The following INTU variants were observed in gnomAD, a reference collection of about 807,000 sequenced individuals.
INTU encodes protein inturned.
A neutral mutation model predicts 100.5 loss-of-function variants in INTU; 68 were observed. The ratio of observed to expected loss-of-function variants is 0.68; its 90% CI spans 0.56 to 0.83. INTU has a LOEUF of 0.83. Ranked by LOEUF, INTU falls within the 40% of genes least tolerant of loss-of-function variation. The pLI, the probability that INTU is intolerant of heterozygous loss-of-function variation, is 0.00. For missense variants in INTU, 1,071 were observed against 1,114.7 expected (o/e 0.96, Z 0.56); for synonymous variants, 357 against 395.7 (o/e 0.90, Z 1.16).
chr4:127,707,392 C>CAAAAAAAAAAAAAAAAAAAAAA (rs71587331), intron 12 of INTU, among the ~76,000 whole-genome samples: 1 of 44,584 alleles, frequency 2.2e-5, no homozygotes, highest in Non-Finnish European at 3.8e-5. Flanking sequence ...GACTCTGTCT[C>CAAAAAAAAAAAAAAAAAAAAAA]AAAAAAAAAA....
chr4:127,709,101 G>A (rs541224959), intron 13 of INTU, among the ~76,000 whole-genome samples: 7 of 152,254 alleles, frequency 4.6e-5, no homozygotes, highest in South Asian at 2.1e-4. Context: ...TCCCCTAGCC[G>A]TGTCCTACAC....
At chr4:127,661,725 C>G (rs1234414086) in intron 3 of INTU, among the ~76,000 whole-genome samples, 2 of 152,126 alleles carry the variant, frequency 1.3e-5, no homozygotes, top group Non-Finnish European at 2.9e-5. Context: ...CAGGGAACAC[C>G]ACCAAAGTCT....
chr4:127,703,569 T>G (rs1449400016), intron 9 of INTU, among the ~76,000 whole-genome samples: 1 of 152,322 alleles, frequency 6.6e-6, no homozygotes, highest in East Asian at 1.9e-4. Flanking sequence ...TTGCCTTCTT[T>G]GCTGAGCAGT....
chr4:127,666,544 T>A (rs1444413077), intron 4 of INTU, among the ~76,000 whole-genome samples: 1 of 152,148 alleles, frequency 6.6e-6, no homozygotes, highest in Non-Finnish European at 1.5e-5. Context: ...GTACTCAGTG[T>A]CCTGATGGAA....
intron 6 of INTU, among the ~76,000 whole-genome samples, chr4:127,680,879 A>T (rs1226142421): frequency 6.6e-6 from 1 of 152,086 alleles, no homozygotes; most frequent in African/African-American, 2.4e-5. Context: ...AAATCTCCTT[A>T]AGCTGATAAG....
At chr4:127,690,216 T>G (rs1381915901) in intron 8 of INTU, among the ~76,000 whole-genome samples, 1 of 152,232 alleles carries the variant, frequency 6.6e-6, no homozygotes, top group East Asian at 1.9e-4. Flanking sequence ...TTTTTGTTAA[T>G]TTAGCATATA....
At chr4:127,709,343 CT>C (rs201380304) in intron 13 of INTU, among the ~76,000 whole-genome samples, 4,670 of 152,246 alleles carry the variant, frequency 0.031, 309 homozygotes, top group East Asian at 0.27. Context: ...ACCCCTACAG[CT>C]GTTTTTCCCA....
chr4:127,632,983 C>T lies in INTU; in HGVS notation c.-52C>T, dbSNP rs915630666. 1.4e-5 allele frequency: 22 copies of T among 1,574,118 alleles called. No individual in the cohort carries two copies. Among genetic ancestry groups the T allele is most frequent in the Non-Finnish European group, 1.8e-5 (21 of 1,154,534 alleles). On this transcript the variant is annotated 5_prime_UTR_variant, in exon 1 of 16. Transcript: ENST00000335251. ...GAGGCAACATGGCGGCCTTAGCAAG[C>T]TATAGCTGCGAGATTTGAATTACTC...
At chr4:127,698,034 CA>C (rs1374854869) in intron 8 of INTU, among the ~76,000 whole-genome samples, 1 of 152,004 alleles carries the variant, frequency 6.6e-6, no homozygotes, top group Non-Finnish European at 1.5e-5. Flanking sequence ...GCAGGAGAAT[CA>C]CTTGAACCTG....
intron 8 of INTU, among the ~76,000 whole-genome samples, chr4:127,691,962 G>GTATATATA (rs1553982611): frequency 3.1e-5 from 3 of 98,260 alleles, no homozygotes; most frequent in Admixed American, 1.0e-4. Context: ...TCCATGGTAT[G>GTATATATA]TATATATATA....
rs977304287 is a variant in INTU, at chr4:127,719,481, A to T, written c.*3045A>T. On this transcript the variant is annotated 3_prime_UTR_variant, in exon 16 of 16. Coordinates refer to ENST00000335251, the MANE Select transcript of INTU (RefSeq NM_015693.4). The stretch of plus-strand genomic sequence containing the variant: ...ATCTCTGCCAGGTTTTGATATCAGG[A>T]TGATGCTGGCCTTATAGAATGAGTT... 2.0e-5 allele frequency: 3 copies of T among 152,152 alleles called. No individual in the cohort carries two copies. The highest frequency in any genetic ancestry group is 4.4e-5 in the Non-Finnish European group (3 of 68,024). 9.4% of individuals were successfully genotyped at this position (152,152 alleles called of 1,614,324 possible).
Position 127,722,473 on chromosome 4 carries a change from C to T in INTU, c.*6037C>T, listed in dbSNP as rs1731359788. The T allele has an allele frequency of 6.6e-6, 1 of 152,388 alleles. No homozygotes were observed. The highest frequency in any genetic ancestry group is 1.5e-5 in the Non-Finnish European group (1 of 68,168). 9.4% of individuals were successfully genotyped at this position (152,388 alleles called of 1,614,324 possible). On this transcript the variant is annotated 3_prime_UTR_variant, in exon 16 of 16. Transcript: ENST00000335251. ...AATAAGCAGTCTGTCTGCCCCTTGA[C>T]AGGGTGGGTGTGCTACACTGGGGGG... is the stretch of plus-strand genomic sequence containing the variant.
intron 3 of INTU, among the ~76,000 whole-genome samples, chr4:127,657,927 G>A (rs1197763125): frequency 6.6e-6 from 1 of 152,134 alleles, no homozygotes; most frequent in Non-Finnish European, 1.5e-5. Flanking sequence ...ACCCTGGTCT[G>A]TGGAAAAATC....
chr4:127,656,839 A>G, intron 3 of INTU, 118 bp downstream of exon 3: 1 of 511,702 alleles, frequency 2.0e-6, no homozygotes, highest in Admixed American at 3.2e-5. Flanking sequence ...GATGAGTTAC[A>G]CTGATACTTG....
At chr4:127,691,766 C>T (rs1730139526) in intron 8 of INTU, among the ~76,000 whole-genome samples, 1 of 151,612 alleles carries the variant, frequency 6.6e-6, no homozygotes, top group Non-Finnish European at 1.5e-5. Context: ...CCCCCAAGTT[C>T]CCAAAGTCCA....
chr4:127,656,813 A>C, intron 3 of INTU, 92 bp downstream of exon 3: 2 of 724,034 alleles, frequency 2.8e-6, no homozygotes, highest in Non-Finnish European at 4.5e-6. Context: ...GCGTCTGAAA[A>C]GTATCATGTA....
chr4:127,676,564 T>A (rs2126215920), intron 6 of INTU, among the ~76,000 whole-genome samples: 2 of 138,948 alleles, frequency 1.4e-5, no homozygotes, highest in East Asian at 2.1e-4. Flanking sequence ...CCAGCCTGGG[T>A]GACAGAGCAA....
At chr4:127,667,343 A>T (rs1434586606) in intron 4 of INTU, among the ~76,000 whole-genome samples, 2 of 152,186 alleles carry the variant, frequency 1.3e-5, no homozygotes, top group African/African-American at 4.8e-5. Flanking sequence ...AGTGCTTAAA[A>T]ATACAGCTAA....
At chr4:127,694,269 G>T (rs1488598994) in intron 8 of INTU, among the ~76,000 whole-genome samples, 1 of 151,712 alleles carries the variant, frequency 6.6e-6, no homozygotes, top group Non-Finnish European at 1.5e-5. Context: ...TCTGTTCAGA[G>T]ATCCTATATC....
Sources: gnomAD v4.1 joint callset for allele counts (sites outside exome capture counted in the v4.1 genomes callset) on GRCh38, gnomAD v4.1.1 for gene constraint, MANE v1.5 for transcripts, NCBI Gene and HGNC (gene_info 2026-07-23, HGNC 2026-07-21) for gene names.